GDAP1: variants seen among roughly 807,000 people sequenced by gnomAD.
The protein encoded by GDAP1 is ganglioside induced differentiation associated protein 1, also known as ganglioside-induced differentiation-associated protein 1.
GDAP1 carries 34 observed loss-of-function variants against 40.1 expected under a neutral mutation model. That is an observed-to-expected ratio of 0.85 (90% CI 0.64 to 1.13). GDAP1 has a LOEUF of 1.13. GDAP1 is among the 50% of genes most tolerant of loss of function. The pLI, the probability that GDAP1 is intolerant of heterozygous loss-of-function variation, is 0.00. For missense variants in GDAP1, 374 were observed against 433.7 expected (o/e 0.86, Z 1.22); for synonymous variants, 170 against 157.4 (o/e 1.08, Z -0.60).
chr8:74,386,251 T>TA (rs144653088), intron 2 of GDAP1, among the ~76,000 whole-genome samples: 80,907 of 151,916 alleles, frequency 0.53, 22,220 homozygotes, highest in African/African-American at 0.69. Context: ...GCTTTCGTCA[T>TA]AAGTTTTTGC....
At position 74,364,381 on chromosome 8, in the gene GDAP1, T is replaced by C; in HGVS notation, c.*14T>C. The C allele has an allele frequency of 6.2e-7, 1 of 1,610,402 alleles. No homozygotes were observed. Among genetic ancestry groups the C allele is most frequent in the South Asian group, 1.1e-5 (1 of 91,066 alleles). On this transcript the variant is annotated 3_prime_UTR_variant, in exon 6 of 6. Coordinates refer to ENST00000220822, the MANE Select transcript of GDAP1 (RefSeq NM_018972.4). ...AATTATTTCTAGGTTTGTTGGGATC[T>C]TGTCGTGGCAGCTCATCCAAGCATT...
intron 2 of GDAP1, among the ~76,000 whole-genome samples, chr8:74,436,419 CCT>C (rs1806088865): frequency 1.2e-5 from 1 of 83,802 alleles, no homozygotes; most frequent in Non-Finnish European, 2.2e-5. Flanking sequence ...ACCATCCCTT[CCT>C]TTTTTTTTTT....
At chr8:74,383,316 G>A (rs1164974409) in intron 2 of GDAP1, among the ~76,000 whole-genome samples, 1 of 152,158 alleles carries the variant, frequency 6.6e-6, no homozygotes, top group African/African-American at 2.4e-5. Context: ...ATTTAACTCA[G>A]TTCAGGTTTA....
At chr8:74,400,009 A>G (rs1810294331) in intron 2 of GDAP1, among the ~76,000 whole-genome samples, 2 of 144,828 alleles carry the variant, frequency 1.4e-5, no homozygotes, top group South Asian at 4.3e-4. Context: ...TGTGGTGCTG[A>G]AAAAAATGTA....
chr8:74,437,903 T>G (rs754493252), intron 2 of GDAP1, among the ~76,000 whole-genome samples: 5 of 152,188 alleles, frequency 3.3e-5, no homozygotes, highest in Admixed American at 2.0e-4. Flanking sequence ...TTTAACACAG[T>G]GCTGCAATAA....
chr8:74,417,279 T>C (rs186787967), intron 2 of GDAP1, among the ~76,000 whole-genome samples: 1 of 150,240 alleles, frequency 6.7e-6, no homozygotes, highest in East Asian at 1.9e-4. Context: ...ATAAAAACTT[T>C]AGAGCCAATA....
chr8:74,418,298 T>G (rs1479088010), intron 2 of GDAP1, among the ~76,000 whole-genome samples: 1 of 152,180 alleles, frequency 6.6e-6, no homozygotes, highest in Non-Finnish European at 1.5e-5. Flanking sequence ...ACCACAAAGC[T>G]ACAGTATTCA....
At chr8:74,362,566 G>A (rs533344565) in intron 4 of GDAP1, among the ~76,000 whole-genome samples, 7 of 152,118 alleles carry the variant, frequency 4.6e-5, no homozygotes, top group Admixed American at 2.6e-4. Context: ...TCCTTCACTC[G>A]GACTTCTTAC....
intron 2 of GDAP1, among the ~76,000 whole-genome samples, chr8:74,419,037 C>T (rs1433565707): frequency 2.6e-5 from 4 of 152,068 alleles, no homozygotes; most frequent in Non-Finnish European, 4.4e-5. Context: ...ATACCAAGTG[C>T]GGGAGAATGC....
chr8:74,406,276 G>C (rs1352779554), intron 2 of GDAP1, among the ~76,000 whole-genome samples: 1 of 150,294 alleles, frequency 6.7e-6, no homozygotes, highest in Non-Finnish European at 1.5e-5. Flanking sequence ...GAGAATATTT[G>C]TGGTTCAAAT....
intron 2 of GDAP1, among the ~76,000 whole-genome samples, chr8:74,474,239 C>A (rs1310447111): frequency 6.6e-6 from 1 of 152,162 alleles, no homozygotes; most frequent in Non-Finnish European, 1.5e-5. Context: ...CATCTGGAAA[C>A]AAGGGTAGCT....
rs1488428436 is a variant in GDAP1, at chr8:74,472,793, A to G, written c.166-15885A>G. On this transcript the variant is annotated intron_variant, in intron 2 of 2. Transcript: ENST00000523640. ...GAGACATGGTGTCGCTCTGTTGCCC[A>G]GGCTGCAGGGCAGTGTTGTGATCTC... is the stretch of plus-strand genomic sequence containing the variant. 2.5e-4 allele frequency among the ~76,000 whole-genome samples: 38 copies of G among 150,406 alleles called. 1 individual carries two copies. The Admixed American group carries it at 2.5e-3, about 10-fold the overall frequency.
intron 2 of GDAP1, among the ~76,000 whole-genome samples, chr8:74,460,698 T>C (rs1422665540): frequency 6.6e-6 from 1 of 152,072 alleles, no homozygotes; most frequent in Non-Finnish European, 1.5e-5. Context: ...AAATGAGCTA[T>C]GGAATGGTGG....
chr8:74,400,179 G>T (rs1015315281), intron 2 of GDAP1, among the ~76,000 whole-genome samples: 5 of 149,666 alleles, frequency 3.3e-5, no homozygotes, highest in Non-Finnish European at 7.4e-5. Flanking sequence ...TATTGTGTGG[G>T]AGTCTAAGTC....
At chr8:74,377,541 T>C (rs1809877399) in intron 2 of GDAP1, among the ~76,000 whole-genome samples, 1 of 152,196 alleles carries the variant, frequency 6.6e-6, no homozygotes, top group South Asian at 2.1e-4. Context: ...TAATATACAG[T>C]CTAAGCCAAA....
chr8:74,404,212 CTT>C lies in GDAP1; in HGVS notation c.165+52892_165+52893del, dbSNP rs1490875254. Among the ~76,000 whole-genome samples, 6 of 149,652 alleles carry C rather than the reference CTT, an allele frequency of 4.0e-5. 1 individual carries two copies. Among genetic ancestry groups the C allele is most frequent in the African/African-American group, 1.5e-4 (6 of 39,158 alleles). On this transcript the variant is annotated intron_variant, in intron 2 of 2. Transcript: ENST00000523640. ...TGCATTAACTTAAAAAAAATCCTGT[CTT>C]AGGCTTATTAATCACATCACTGTAA... is the stretch of plus-strand genomic sequence containing the variant.
intron 2 of GDAP1, among the ~76,000 whole-genome samples, chr8:74,378,013 A>G (rs1809886427): frequency 6.6e-6 from 1 of 152,238 alleles, no homozygotes; most frequent in Non-Finnish European, 1.5e-5. Flanking sequence ...TGAGGAGGTA[A>G]TGGGCTCACA....
At chr8:74,474,506 A>T (rs1276035985) in intron 2 of GDAP1, among the ~76,000 whole-genome samples, 2 of 152,048 alleles carry the variant, frequency 1.3e-5, no homozygotes, top group Admixed American at 1.3e-4. Context: ...ACATGAAGGG[A>T]TACTGAATTT....
intron 2 of GDAP1, among the ~76,000 whole-genome samples, chr8:74,467,688 C>T (rs1016044468): frequency 1.1e-4 from 16 of 152,008 alleles, no homozygotes; most frequent in African/African-American, 3.6e-4. Context: ...GGTGGAGGTA[C>T]CTATGGAGTG....
Sources: allele counts gnomAD v4.1 joint callset (sites outside exome capture counted in the v4.1 genomes callset), GRCh38; gene constraint gnomAD v4.1.1; transcripts MANE v1.5; gene names NCBI Gene and HGNC (gene_info 2026-07-23, HGNC 2026-07-21).